DPP10: variants seen among roughly 807,000 people sequenced by gnomAD.
The protein encoded by DPP10 is dipeptidyl peptidase like 10, also known as inactive dipeptidyl peptidase 10.
DPP10 carries 33 observed loss-of-function variants against 120.9 expected under a neutral mutation model. The observed-to-expected ratio is 0.27, with a 90% CI of 0.21 to 0.37. The LOEUF is 0.37. Ranked by LOEUF, DPP10 falls within the 10% of genes least tolerant of loss-of-function variation. The probability of loss-of-function intolerance (pLI) is 1.00; values close to 1 mark genes in which losing one functional copy is unlikely to be tolerated. For synonymous variants in DPP10, 337 were observed against 326.1 expected (o/e 1.03, Z -0.36); for missense variants, 816 against 942.8 (o/e 0.87, Z 1.76).
chr2:115,234,271 A>G lies in DPP10; in HGVS notation c.61-74968A>G, dbSNP rs564796814. 2.6e-5 allele frequency among the ~76,000 whole-genome samples: 4 copies of G among 152,314 alleles called. No individual in the cohort carries two copies. In the South Asian group the frequency reaches 6.2e-4, roughly 24 times the overall value. The stretch of plus-strand genomic sequence containing the variant: ...TAAACTCAGCATTCACCTATTTTAT[A>G]TACCCTGCACTATGTTTCCTTTTCT... On this transcript the variant is annotated intron_variant, in intron 1 of 25. Coordinates refer to ENST00000410059, the MANE Select transcript of DPP10 (RefSeq NM_020868.6).
intron 3 of DPP10, among the ~76,000 whole-genome samples, chr2:115,453,637 C>T (rs192250653): frequency 2.2e-4 from 33 of 151,574 alleles, no homozygotes; most frequent in East Asian, 1.4e-3. Context: ...GCAACTAAAA[C>T]GGTAGTTTTG....
At chr2:115,406,105 A>G (rs1238028047) in intron 3 of DPP10, among the ~76,000 whole-genome samples, 1 of 152,232 alleles carries the variant, frequency 6.6e-6, no homozygotes, top group Admixed American at 6.5e-5. Flanking sequence ...CCTTCTTTCT[A>G]GCAGTTCACT....
intron 3 of DPP10, among the ~76,000 whole-genome samples, chr2:115,351,337 A>G (rs2064019737): frequency 6.6e-6 from 1 of 152,090 alleles, no homozygotes. Flanking sequence ...GGGCAGACGT[A>G]ACGATAGGAA....
chr2:115,576,847 A>G (rs1170598963), intron 5 of DPP10, among the ~76,000 whole-genome samples: 1 of 152,212 alleles, frequency 6.6e-6, no homozygotes, highest in Non-Finnish European at 1.5e-5. Flanking sequence ...TGAAAATGAG[A>G]CAATACAGAG....
chr2:115,597,138 A>T (rs560059832), intron 5 of DPP10, among the ~76,000 whole-genome samples: 1 of 152,018 alleles, frequency 6.6e-6, no homozygotes, highest in African/African-American at 2.4e-5. Context: ...AGAGACAAAC[A>T]CAACAGGAGG....
At chr2:115,380,748 G>A (rs2066262734) in intron 3 of DPP10, among the ~76,000 whole-genome samples, 1 of 151,994 alleles carries the variant, frequency 6.6e-6, no homozygotes. Context: ...GGCAGGCCTG[G>A]TGGTGACAAA....
intron 1 of DPP10, among the ~76,000 whole-genome samples, chr2:115,059,564 T>C (rs1706227357): frequency 6.6e-6 from 1 of 151,674 alleles, no homozygotes; most frequent in Admixed American, 6.6e-5. Flanking sequence ...GGTTCAGAGA[T>C]GGACATCTGA....
intron 1 of DPP10, among the ~76,000 whole-genome samples, chr2:114,884,533 C>A (rs185965181): frequency 1.9e-4 from 29 of 152,278 alleles, no homozygotes; most frequent in African/African-American, 6.0e-4. Flanking sequence ...CTGACTCTTA[C>A]TCCTCTGTCT....
At chr2:114,936,862 A>G (rs537601415) in intron 1 of DPP10, among the ~76,000 whole-genome samples, 1 of 152,166 alleles carries the variant, frequency 6.6e-6, no homozygotes, top group Non-Finnish European at 1.5e-5. Context: ...GCATTTTTAC[A>G]TATGCTTGTT....
At chr2:114,931,924 T>G (rs1034694445) in intron 1 of DPP10, among the ~76,000 whole-genome samples, 1 of 152,240 alleles carries the variant, frequency 6.6e-6, no homozygotes, top group African/African-American at 2.4e-5. Flanking sequence ...ATACAAAAAT[T>G]TATTCATTGC....
chr2:114,710,441 T>C (rs1700952169), intron 1 of DPP10, among the ~76,000 whole-genome samples: 1 of 152,210 alleles, frequency 6.6e-6, no homozygotes, highest in Admixed American at 6.5e-5. Context: ...ACTGGCTAGA[T>C]GCTTTATAGA....
At position 115,216,914 on chromosome 2, in the gene DPP10, C is replaced by T. The variant is rs182350879; in HGVS notation, c.61-92325C>T. Among the ~76,000 whole-genome samples, 18 of 151,302 alleles carry T rather than the reference C, an allele frequency of 1.2e-4. No homozygotes were observed. The East Asian group carries it at 2.2e-3, about 18-fold the overall frequency. ...GTGTATACGTATACACATATATACACGTATATATGTCTATGTATATTTGTC... is the reference window on the plus strand; with the variant it reads ...GTGTATACGTATACACATATATACATGTATATATGTCTATGTATATTTGTC... On this transcript the variant is annotated intron_variant, in intron 1 of 25. Coordinates refer to ENST00000410059, the MANE Select transcript of DPP10 (RefSeq NM_020868.6).
chr2:114,486,813 T>C (rs1010818512), intron 1 of DPP10, among the ~76,000 whole-genome samples: 13 of 152,340 alleles, frequency 8.5e-5, no homozygotes, highest in Non-Finnish European at 1.8e-4. Flanking sequence ...TATAGTCAGA[T>C]ATTGTTCTTC....
intron 1 of DPP10, among the ~76,000 whole-genome samples, chr2:115,071,376 T>C (rs1707355753): frequency 1.3e-5 from 2 of 152,146 alleles, no homozygotes; most frequent in Non-Finnish European, 2.9e-5. Context: ...TGGTCTAGGT[T>C]CCATTGCTCA....
chr2:114,534,475 G>T (rs950499740), intron 1 of DPP10, among the ~76,000 whole-genome samples: 10 of 152,162 alleles, frequency 6.6e-5, no homozygotes, highest in African/African-American at 2.4e-4. Flanking sequence ...TTCGCAAGAG[G>T]AGAATGCTCC....
chr2:115,176,911 A>G (rs1292198561), intron 1 of DPP10, among the ~76,000 whole-genome samples: 1 of 152,194 alleles, frequency 6.6e-6, no homozygotes, highest in East Asian at 1.9e-4. Context: ...CCCTTAGGCA[A>G]TGCACTGTGA....
At chr2:115,542,539 A>G (rs1280691314) in intron 5 of DPP10, among the ~76,000 whole-genome samples, 1 of 151,914 alleles carries the variant, frequency 6.6e-6, no homozygotes, top group African/African-American at 2.4e-5. Context: ...AATGACACCT[A>G]AGTGTCGACC....
At chr2:115,287,353 G>A (rs77356698) in intron 1 of DPP10, among the ~76,000 whole-genome samples, 3,687 of 152,060 alleles carry the variant, frequency 0.024, 77 homozygotes, top group Non-Finnish European at 0.037. Flanking sequence ...GTGGATGATC[G>A]TACAGTGGTC....
chr2:115,563,476 AAAG>A (rs2080815399), intron 5 of DPP10, among the ~76,000 whole-genome samples: 1 of 152,180 alleles, frequency 6.6e-6, no homozygotes, highest in Non-Finnish European at 1.5e-5. Flanking sequence ...AAAGGCAAAT[AAAG>A]AAGATGTGAT....
Sources: gnomAD v4.1 joint callset for allele counts (sites outside exome capture counted in the v4.1 genomes callset) on GRCh38, gnomAD v4.1.1 for gene constraint, MANE v1.5 for transcripts, NCBI Gene and HGNC (gene_info 2026-07-23, HGNC 2026-07-21) for gene names.